The following PGR variants were observed in gnomAD, a reference collection of about 807,000 sequenced individuals.
PGR encodes nuclear receptor subfamily 3 group C member 3.
Under a neutral mutation model 76.1 loss-of-function variants are expected in PGR, and 25 were observed. That is an observed-to-expected ratio of 0.33 (90% CI 0.24 to 0.46). PGR has a LOEUF of 0.46. Ranked by LOEUF, PGR falls within the 20% of genes least tolerant of loss-of-function variation. The probability of loss-of-function intolerance (pLI) is 1.00; values close to 1 mark genes in which losing one functional copy is unlikely to be tolerated. For missense variants in PGR, 1,172 were observed against 1,225.3 expected, an observed-to-expected ratio of 0.96 and a Z score of 0.65; for synonymous variants, 579 against 535.0, an observed-to-expected ratio of 1.08 and a Z score of -1.14.
intron 2 of PGR, among the ~76,000 whole-genome samples, chr11:101,115,323 C>A (rs1443501792): frequency 6.6e-6 from 1 of 151,912 alleles, no homozygotes; most frequent in Non-Finnish European, 1.5e-5. Context: ...CCCTTGAAAT[C>A]AAAAACACAT....
intron 6 of PGR, among the ~76,000 whole-genome samples, chr11:101,049,243 C>T (rs897254270): frequency 3.9e-4 from 59 of 152,212 alleles, no homozygotes; most frequent in African/African-American, 1.3e-3. Context: ...GTAACACACA[C>T]GGAGTTGTCA....
At chr11:101,062,899 A>C (rs1289713618) in intron 3 of PGR, 147 bp from the exon 4 acceptor site, 2 of 582,130 alleles carry the variant, frequency 3.4e-6, no homozygotes, top group East Asian at 5.9e-5. Context: ...TAGATATTAA[A>C]ATTACAAAAA....
intron 6 of PGR, among the ~76,000 whole-genome samples, chr11:101,046,619 G>A (rs1484845477): frequency 6.6e-6 from 1 of 151,806 alleles, no homozygotes; most frequent in Non-Finnish European, 1.5e-5. Context: ...TTTTATAAAA[G>A]GTATTTGAGA....
At chr11:101,050,725 G>C (rs1860056150) in intron 5 of PGR, among the ~76,000 whole-genome samples, 1 of 151,984 alleles carries the variant, frequency 6.6e-6, no homozygotes, top group Non-Finnish European at 1.5e-5. Flanking sequence ...AAAGAGATAA[G>C]GAATCTCACT....
At chr11:101,054,456 T>C (rs931687975) in intron 4 of PGR, among the ~76,000 whole-genome samples, 6 of 152,184 alleles carry the variant, frequency 3.9e-5, no homozygotes, top group Non-Finnish European at 8.8e-5. Context: ...ATAAATCTAA[T>C]ACATAAATGC....
intron 2 of PGR, among the ~76,000 whole-genome samples, chr11:101,108,729 T>A (rs998912187): frequency 6.6e-6 from 1 of 152,142 alleles, no homozygotes; most frequent in Non-Finnish European, 1.5e-5. Flanking sequence ...AATTCTTATA[T>A]CTGAAAAAAG....
intron 7 of PGR, among the ~76,000 whole-genome samples, chr11:101,039,683 G>T (rs1859634070): frequency 6.6e-6 from 1 of 151,684 alleles, no homozygotes. Flanking sequence ...TTCTTCCTAT[G>T]CCAATAATCC....
In PGR at chr11:101,128,027, G is replaced by C. The variant is rs771560904; in HGVS notation, c.1044C>G (p.Ala348=). 222 of 1,608,344 alleles carry C rather than the reference G, an allele frequency of 1.4e-4. No homozygotes were observed. Among genetic ancestry groups the C allele is most frequent in the Non-Finnish European group, 1.8e-4 (215 of 1,179,842 alleles). The change falls in exon 1 of 8, where the codon GCC becomes GCG. Residue 348 remains alanine (A), a synonymous_variant. Coordinates refer to ENST00000325455, the MANE Select transcript of PGR (RefSeq NM_000926.4). ...AFAPPRSSPC[A]SSTPVAVGDF... ...CGCCTACAGCGACCGGGGTGGACGA[G>C]GCACAGGGTGAACTCCGCGGCGGGG...
rs1859559937 is a variant in PGR at position 101,037,803 on chromosome 11, C to A, written c.*1313G>T. ...GTAACCAAAGAATGATCGAAATCTA[C>A]AGTAATACCAAGACAGAGAGAAAAT... is the stretch of plus-strand genomic sequence containing the variant. On this transcript the variant is annotated 3_prime_UTR_variant, in exon 8 of 8. Transcript: ENST00000325455. 4.4e-6 allele frequency: 1 copy of A among 224,758 alleles called. No individual in the cohort carries two copies. Among genetic ancestry groups the A allele is most frequent in the East Asian group, 6.4e-5 (1 of 15,614 alleles). 13.9% of individuals were successfully genotyped at this position (224,758 alleles called of 1,614,324 possible).
At chr11:101,073,873 C>A (rs1278688947) in intron 3 of PGR, among the ~76,000 whole-genome samples, 1 of 152,086 alleles carries the variant, frequency 6.6e-6, no homozygotes, top group East Asian at 1.9e-4. Flanking sequence ...CAGGACCAGA[C>A]AGATTCATAG....
At chr11:101,119,713 T>C (rs1397682168) in intron 2 of PGR, among the ~76,000 whole-genome samples, 1 of 152,228 alleles carries the variant, frequency 6.6e-6, no homozygotes, top group African/African-American at 2.4e-5. Flanking sequence ...AGAGCTGTTC[T>C]GAATAGAAGA....
intron 3 of PGR, chr11:101,063,561 T>C (rs1183101059): frequency 6.6e-6 from 1 of 152,196 alleles, no homozygotes; most frequent in African/African-American, 2.4e-5. Context: ...CACAGACGCC[T>C]TGAGGAGAAT....
rs764379113 is a variant in PGR at position 101,128,143 on chromosome 11, G to T, written c.928C>A (p.Pro310Thr). 1 of 1,598,172 alleles carries T rather than the reference G, an allele frequency of 6.3e-7. No homozygotes were observed. The highest frequency in any genetic ancestry group is 1.7e-5 in the Admixed American group (1 of 59,988). Residue 310 changes from proline (P) to threonine (T), a missense_variant, in exon 1 of 8, where the codon CCT becomes ACT. By Grantham distance (38) the Pro-to-Thr change is conservative. Coordinates refer to ENST00000325455, the MANE Select transcript of PGR (RefSeq NM_000926.4). The part of the protein sequence containing the change: ...VMDFIHVPIL[P>T]LNHALLAART... ...GCTGCCAATAAGGCGTGATTGAGAGGCAGGATAGGCACGTGGATGAAATCC... is the reference window on the plus strand; with the variant it reads ...GCTGCCAATAAGGCGTGATTGAGAGTCAGGATAGGCACGTGGATGAAATCC...
At chr11:101,058,944 C>T (rs1258701982) in intron 4 of PGR, among the ~76,000 whole-genome samples, 1 of 152,120 alleles carries the variant, frequency 6.6e-6, no homozygotes, top group Non-Finnish European at 1.5e-5. Context: ...ACTGTATGTA[C>T]AAATGTGTTT....
At chr11:101,089,026 GAGGA>G (rs1184109134) in intron 3 of PGR, among the ~76,000 whole-genome samples, 1 of 152,194 alleles carries the variant, frequency 6.6e-6, no homozygotes, top group Non-Finnish European at 1.5e-5. Flanking sequence ...ACTACTAGAG[GAGGA>G]AGGAAGAAGA....
chr11:101,055,187 G>A (rs1199315618), intron 4 of PGR, among the ~76,000 whole-genome samples: 2 of 151,908 alleles, frequency 1.3e-5, no homozygotes, highest in African/African-American at 4.8e-5. Flanking sequence ...GGCCGAGGTG[G>A]GTGGATCACA....
chr11:101,120,619 A>C (rs1015022434), intron 2 of PGR, among the ~76,000 whole-genome samples: 1 of 152,204 alleles, frequency 6.6e-6, no homozygotes, highest in Non-Finnish European at 1.5e-5. Flanking sequence ...TGATGCATAA[A>C]TTATGATATA....
chr11:101,104,091 T>C (rs1177022584), intron 2 of PGR, among the ~76,000 whole-genome samples: 3 of 152,242 alleles, frequency 2.0e-5, no homozygotes, highest in Non-Finnish European at 4.4e-5. Context: ...ATTTCTTGAA[T>C]ATCTACTATG....
At chr11:101,098,942 T>C (rs1412227856) in intron 2 of PGR, among the ~76,000 whole-genome samples, 1 of 152,050 alleles carries the variant, frequency 6.6e-6, no homozygotes, top group African/African-American at 2.4e-5. Context: ...CAAAATAAAA[T>C]ATTGGCCTTT....
Sources: allele counts gnomAD v4.1 joint callset (sites outside exome capture counted in the v4.1 genomes callset), GRCh38; gene constraint gnomAD v4.1.1; transcripts MANE v1.5; gene names NCBI Gene and HGNC (gene_info 2026-07-23, HGNC 2026-07-21).